The following CDKAL1 variants were observed in gnomAD, a reference collection of about 807,000 sequenced individuals.
CDKAL1 encodes the protein threonylcarbamoyladenosine tRNA methylthiotransferase.
CDKAL1 carries 32 observed loss-of-function variants against 68.2 expected under a neutral mutation model. The ratio of observed to expected loss-of-function variants is 0.47; its 90% CI spans 0.35 to 0.63. CDKAL1 has a LOEUF of 0.63. CDKAL1 is among the 30% of genes least tolerant of loss of function. The pLI, the probability that CDKAL1 is intolerant of heterozygous loss-of-function variation, is 0.00. For synonymous variants in CDKAL1, 234 were observed against 244.3 expected, an observed-to-expected ratio of 0.96 and a Z score of 0.39; for missense variants, 606 against 696.7, an observed-to-expected ratio of 0.87 and a Z score of 1.47.
intron 12 of CDKAL1, among the ~76,000 whole-genome samples, chr6:21,096,326 G>A (rs987536017): frequency 3.0e-4 from 46 of 152,240 alleles, no homozygotes; most frequent in East Asian, 7.7e-4. Context: ...CCTTGGGTGC[G>A]ATGTGGATTA....
chr6:20,907,482 T>C (rs925725110), intron 9 of CDKAL1, among the ~76,000 whole-genome samples: 3 of 151,828 alleles, frequency 2.0e-5, no homozygotes, highest in African/African-American at 7.3e-5. Flanking sequence ...CGTTAAAAAA[T>C]TGAAAAAAAT....
intron 9 of CDKAL1, among the ~76,000 whole-genome samples, chr6:20,867,860 C>T (rs958816753): frequency 7.2e-5 from 11 of 152,168 alleles, no homozygotes; most frequent in South Asian, 2.1e-4. Context: ...CACCTGGAAT[C>T]GCCTTTAATC....
rs540477811 is a variant in CDKAL1 at position 20,982,093 on chromosome 6, G to A, written c.910-18134G>A. 2.0e-5 allele frequency among the ~76,000 whole-genome samples: 3 copies of A among 150,434 alleles called. No homozygotes were observed. In the South Asian group the frequency reaches 6.4e-4, roughly 32 times the overall value. ...TTTATTTATTTATTTATGAGACAGAGTGTGTCTCTCTTGCCTAGGCTGGAG... is the reference window on the plus strand; with the variant it reads ...TTTATTTATTTATTTATGAGACAGAATGTGTCTCTCTTGCCTAGGCTGGAG... On this transcript the variant is annotated intron_variant, in intron 10 of 15. Coordinates refer to ENST00000274695, the MANE Select transcript of CDKAL1 (RefSeq NM_017774.3).
intron 5 of CDKAL1, among the ~76,000 whole-genome samples, chr6:20,712,517 G>A (rs1247722560): frequency 6.7e-6 from 1 of 148,486 alleles, no homozygotes; most frequent in Non-Finnish European, 1.5e-5. Context: ...AAAAAAAAAA[G>A]AAGTGAAATG....
chr6:21,150,226 G>A (rs7752602), intron 13 of CDKAL1, among the ~76,000 whole-genome samples: 51,324 of 151,974 alleles, frequency 0.34, 8,957 homozygotes, highest in African/African-American at 0.42. Context: ...AACTGCAGGA[G>A]TTACCAAACA....
At chr6:20,972,403 T>G (rs1202955565) in intron 10 of CDKAL1, among the ~76,000 whole-genome samples, 3 of 152,214 alleles carry the variant, frequency 2.0e-5, no homozygotes, top group African/African-American at 7.2e-5. Flanking sequence ...GTTAAGTTTC[T>G]CAAGGCACCA....
At chr6:20,815,712 A>G (rs1777014965) in intron 8 of CDKAL1, among the ~76,000 whole-genome samples, 1 of 152,144 alleles carries the variant, frequency 6.6e-6, no homozygotes, top group Non-Finnish European at 1.5e-5. Context: ...AAAAAGCACA[A>G]ATAGTTGGAT....
intron 12 of CDKAL1, among the ~76,000 whole-genome samples, chr6:21,104,114 T>C (rs1773725237): frequency 6.6e-6 from 1 of 152,200 alleles, no homozygotes; most frequent in African/African-American, 2.4e-5. Flanking sequence ...TCAGAGCTTC[T>C]GTCATCAGCA....
intron 9 of CDKAL1, among the ~76,000 whole-genome samples, chr6:20,952,937 A>G (rs1764604840): frequency 6.6e-6 from 1 of 152,234 alleles, no homozygotes; most frequent in South Asian, 2.1e-4. Flanking sequence ...CATGCTTGAA[A>G]TACACCCTTA....
chr6:20,616,448 T>C (rs1252841982), intron 4 of CDKAL1, among the ~76,000 whole-genome samples: 4 of 142,018 alleles, frequency 2.8e-5, no homozygotes, highest in African/African-American at 5.3e-5. Context: ...GTATCCTCTT[T>C]TATTTCCTTG....
intron 5 of CDKAL1, among the ~76,000 whole-genome samples, chr6:20,676,548 T>C (rs1240043407): frequency 6.6e-6 from 1 of 151,770 alleles, no homozygotes; most frequent in Non-Finnish European, 1.5e-5. Flanking sequence ...GCGCCTGTGG[T>C]CCCAGCTACT....
rs71538791 is a variant in CDKAL1 at position 20,540,077 on chromosome 6, C to CTTT, written c.-6+4695_-6+4697dup. On this transcript the variant is annotated intron_variant, in intron 2 of 15. Transcript: ENST00000274695. Reference sequence around the variant, plus strand: ...CTGAGCAGTAGAAGATTGGGATTGTCTTTTTTTTTTTTTTGAGACAGAGTC... The same window carrying CTTT: ...CTGAGCAGTAGAAGATTGGGATTGTCTTTTTTTTTTTTTTTTTGAGACAGAGTC... 3.0e-5 allele frequency among the ~76,000 whole-genome samples: 4 copies of CTTT among 131,266 alleles called. 1 individual carries two copies. The highest frequency in any genetic ancestry group is 1.2e-4 in the African/African-American group (4 of 32,690). The allele number at this position is 131,266 out of a possible 152,430, so 86.1% of individuals were successfully genotyped here. A position where few individuals can be genotyped will look rare whatever the true frequency, so the allele number is the denominator to read the frequency against.
chr6:20,905,803 C>G (rs1762205294), intron 9 of CDKAL1, among the ~76,000 whole-genome samples: 1 of 152,062 alleles, frequency 6.6e-6, no homozygotes, highest in Non-Finnish European at 1.5e-5. Flanking sequence ...AAGAAAAAAA[C>G]AAAACAACAC....
chr6:21,126,667 A>G (rs1183608101), intron 13 of CDKAL1, among the ~76,000 whole-genome samples: 1 of 151,982 alleles, frequency 6.6e-6, no homozygotes, highest in Non-Finnish European at 1.5e-5. Flanking sequence ...TGAGCTTGCC[A>G]TTTTGAATTT....
chr6:20,720,209 T>G (rs1772278606), intron 5 of CDKAL1, among the ~76,000 whole-genome samples: 1 of 152,190 alleles, frequency 6.6e-6, no homozygotes. Flanking sequence ...TCTGCTTTCC[T>G]GGTTGCAATG....
intron 13 of CDKAL1, among the ~76,000 whole-genome samples, chr6:21,173,295 T>A (rs1158819488): frequency 6.6e-6 from 1 of 152,168 alleles, no homozygotes; most frequent in African/African-American, 2.4e-5. Context: ...TAAAGTTGAA[T>A]GTGGTGTTTG....
chr6:20,847,675 T>C (rs1056367412), intron 9 of CDKAL1, among the ~76,000 whole-genome samples: 4 of 152,250 alleles, frequency 2.6e-5, no homozygotes, highest in Non-Finnish European at 4.4e-5. Context: ...CTGTAACTTA[T>C]GCTAACATTT....
chr6:21,024,258 A>AATAGAAT (rs1768837012), intron 11 of CDKAL1, among the ~76,000 whole-genome samples: 2 of 152,244 alleles, frequency 1.3e-5, no homozygotes, highest in Non-Finnish European at 2.9e-5. Context: ...TGCCTGTGCA[A>AATAGAAT]TGTTGACCTA....
At chr6:21,082,319 A>G (rs1324110461) in intron 12 of CDKAL1, among the ~76,000 whole-genome samples, 2 of 144,946 alleles carry the variant, frequency 1.4e-5, no homozygotes, top group Non-Finnish European at 2.9e-5. Context: ...ATGTGCCAGA[A>G]ACAAACAAAC....
Sources: allele counts gnomAD v4.1 joint callset (sites outside exome capture counted in the v4.1 genomes callset), GRCh38; gene constraint gnomAD v4.1.1; transcripts MANE v1.5; gene names NCBI Gene and HGNC (gene_info 2026-07-23, HGNC 2026-07-21).